Variants in ZMIZ1 observed in about 807,000 individuals in gnomAD.
ZMIZ1 encodes zinc finger MIZ domain-containing protein 1.
ZMIZ1 carries 17 observed loss-of-function variants against 113.9 expected under a neutral mutation model. That is an observed-to-expected ratio of 0.15 (90% CI 0.10 to 0.22). The LOEUF (loss-of-function observed/expected upper bound fraction) is 0.22, where lower values mean the gene tolerates loss of function less well. ZMIZ1 is among the 10% of genes least tolerant of loss of function. The pLI, the probability that ZMIZ1 is intolerant of heterozygous loss-of-function variation, is 1.00. For missense variants in ZMIZ1, 1,059 were observed against 1,477.8 expected, an observed-to-expected ratio of 0.72 and a Z score of 4.65; for synonymous variants, 607 against 603.1, an observed-to-expected ratio of 1.01 and a Z score of -0.09.
In ZMIZ1 at chr10:79,302,202, T is replaced by C; in HGVS notation, c.2115T>C (p.Cys705=). The change falls in exon 18 of 25, where the codon TGT becomes TGC. Residue 705 remains cysteine, a synonymous_variant. Coordinates refer to ENST00000334512, the MANE Select transcript of ZMIZ1 (RefSeq NM_020338.4). ...AGCGCCTCCTGCCCGCAGAGCACTG[T>C]ATCACGAAAAGTGAGTCAGGGTGGG... ...LKKRLLPAEH[C]ITKIKRNFSS... 6.2e-7 allele frequency: 1 copy of C among 1,613,520 alleles called. No homozygotes were observed. The highest frequency in any genetic ancestry group is 8.5e-7 in the Non-Finnish European group (1 of 1,180,004).
chr10:79,280,094 C>T, intron 8 of ZMIZ1, among the ~76,000 whole-genome samples: 1 of 151,626 alleles, frequency 6.6e-6, no homozygotes, highest in South Asian at 2.1e-4. Flanking sequence ...CTCAAGTGAT[C>T]CTCCCATCTC....
At chr10:79,298,649 C>A in intron 15 of ZMIZ1, 69 bp downstream of exon 15, 1 of 1,410,552 alleles carries the variant, frequency 7.1e-7, no homozygotes, top group Non-Finnish European at 9.7e-7. Context: ...GCAGGGGCTT[C>A]GCAGTCAGGC....
chr10:79,310,275 C>T (rs1385330452), intron 23 of ZMIZ1, among the ~76,000 whole-genome samples: 1 of 152,166 alleles, frequency 6.6e-6, no homozygotes, highest in Non-Finnish European at 1.5e-5. Flanking sequence ...GAAGATGCCC[C>T]TGGCTGGCCA....
intron 13 of ZMIZ1, among the ~76,000 whole-genome samples, chr10:79,297,128 A>C (rs1171487145): frequency 6.6e-6 from 1 of 152,104 alleles, no homozygotes; most frequent in Admixed American, 6.6e-5. Context: ...ATGGCTGCCT[A>C]ATATTCTGCT....
chr10:79,208,105 G>A (rs1035953660), intron 5 of ZMIZ1, among the ~76,000 whole-genome samples: 8 of 141,882 alleles, frequency 5.6e-5, no homozygotes, highest in African/African-American at 1.9e-4. Context: ...GAGTGGAGGT[G>A]GATCGGGGAG....
intron 8 of ZMIZ1, among the ~76,000 whole-genome samples, chr10:79,283,816 A>G (rs1108617): frequency 0.48 from 72,651 of 151,954 alleles, 17,802 homozygotes; most frequent in East Asian, 0.66. Context: ...GCAGGGAGGG[A>G]AGGAAGTAGG....
chr10:79,089,586 CTGGG>C (rs1397204913), intron 1 of ZMIZ1, among the ~76,000 whole-genome samples: 1 of 152,176 alleles, frequency 6.6e-6, no homozygotes, highest in Admixed American at 6.5e-5. Context: ...ATTAGGGGTT[CTGGG>C]TGCAGGGAGC....
intron 23 of ZMIZ1, 152 bp downstream of exon 23, chr10:79,307,723 C>T (rs1972346): frequency 8.2e-6 from 7 of 852,204 alleles, no homozygotes; most frequent in South Asian, 3.7e-5. Context: ...ACTGAGGCTA[C>T]GTCGTGCCCT....
At chr10:79,297,043 C>T (rs1853947016) in intron 13 of ZMIZ1, 1 of 179,978 alleles carries the variant, frequency 5.6e-6, no homozygotes, top group Admixed American at 6.0e-5. Flanking sequence ...AACTTTGAAT[C>T]TGTACCTTTT....
intron 1 of ZMIZ1, among the ~76,000 whole-genome samples, chr10:79,104,136 C>A (rs565412819): frequency 3.2e-4 from 49 of 152,298 alleles, no homozygotes; most frequent in African/African-American, 9.9e-4. Context: ...ATGTAGTGAC[C>A]CCTCCCCTCT....
At chr10:79,216,446 G>A (rs1429748305) in intron 7 of ZMIZ1, 172 bp downstream of exon 7, 1 of 542,468 alleles carries the variant, frequency 1.8e-6, no homozygotes, top group Admixed American at 3.9e-5. Context: ...CACAGTTGGG[G>A]CTGTCCTCGT....
intron 7 of ZMIZ1, among the ~76,000 whole-genome samples, chr10:79,220,681 A>C (rs1321709155): frequency 6.6e-6 from 1 of 151,942 alleles, no homozygotes; most frequent in Non-Finnish European, 1.5e-5. Context: ...GCCCCTGTCC[A>C]TCTCTAGCTT....
intron 16 of ZMIZ1, among the ~76,000 whole-genome samples, chr10:79,300,042 G>A (rs1186331454): frequency 6.6e-6 from 1 of 152,182 alleles, no homozygotes; most frequent in African/African-American, 2.4e-5. Flanking sequence ...TGACCATGCT[G>A]AGCAGGCTGG....
rs1272534543 is a variant in ZMIZ1 at position 79,314,572 on chromosome 10, T to C, written c.*1823T>C. On this transcript the variant is annotated 3_prime_UTR_variant, in exon 25 of 25. Coordinates refer to ENST00000334512, the MANE Select transcript of ZMIZ1 (RefSeq NM_020338.4). ...AGAATCGCTTTTGTAAATATCTTTG[T>C]GAATATTTTAGTATCGTCTTTGATA... 3.8e-6 allele frequency: 1 copy of C among 260,278 alleles called. No individual in the cohort carries two copies. The highest frequency in any genetic ancestry group is 7.6e-6 in the Non-Finnish European group (1 of 131,074). 16.1% of individuals were successfully genotyped at this position (260,278 alleles called of 1,614,324 possible). A position where few individuals can be genotyped will look rare whatever the true frequency, so the allele number is the denominator to read the frequency against.
rs1247917683 is a variant in ZMIZ1 at position 79,306,881 on chromosome 10, T to C, written c.2669-524T>C. Among the ~76,000 whole-genome samples the C allele has an allele frequency of 4.6e-5, 7 of 152,226 alleles. No homozygotes were observed. In the East Asian group the frequency reaches 1.3e-3, roughly 29 times the overall value. On this transcript the variant is annotated intron_variant, in intron 22 of 24. Transcript: ENST00000334512. ...AGGCCACCTAGCCGAACTCCCACAG[T>C]GTGCCAAGGGCCAAGCCTCCCAGTC...
chr10:79,300,775 C>T lies in ZMIZ1; in HGVS notation c.1852C>T (p.Arg618Trp), dbSNP rs1330300644. Residue 618 changes from arginine to tryptophan, a missense_variant, in exon 17 of 25, where the codon CGG becomes TGG. Around this residue, in one of 6 missense-constraint regions of ZMIZ1, gnomAD observed 217 missense variants for 426.9 expected, o/e 0.51. Transcript: ENST00000334512. Reference sequence around the variant, plus strand: ...GTTCAAGTGCTACCACCACGAGGACCGGCAGATGAACACCAACTGGCCCGC... The same window carrying T: ...GTTCAAGTGCTACCACCACGAGGACTGGCAGATGAACACCAACTGGCCCGC... ...LQFKCYHHED[R>W]QMNTNWPASV... is the part of the protein sequence containing the mutation. 3.7e-6 allele frequency: 6 copies of T among 1,613,852 alleles called. No individual in the cohort carries two copies. Among genetic ancestry groups the T allele is most frequent in the Non-Finnish European group, 4.2e-6 (5 of 1,180,012 alleles).
intron 7 of ZMIZ1, among the ~76,000 whole-genome samples, chr10:79,239,719 C>A (rs1486872736): frequency 6.6e-6 from 1 of 152,154 alleles, no homozygotes; most frequent in East Asian, 1.9e-4. Context: ...CAGGAGGTGA[C>A]CCAGCCCAGA....
chr10:79,165,964 G>GCAGCTCAGC (rs1554860929), intron 4 of ZMIZ1, among the ~76,000 whole-genome samples: 2 of 142,096 alleles, frequency 1.4e-5, no homozygotes, highest in African/African-American at 5.5e-5. Flanking sequence ...GTGTGTGTGT[G>GCAGCTCAGC]TGTGTGTGTG....
At chr10:79,086,654 A>C (rs1213397266) in intron 1 of ZMIZ1, among the ~76,000 whole-genome samples, 1 of 152,196 alleles carries the variant, frequency 6.6e-6, no homozygotes, top group Non-Finnish European at 1.5e-5. Context: ...GACTACCGGC[A>C]CGAGCCATCA....
Sources: allele counts gnomAD v4.1 joint callset (sites outside exome capture counted in the v4.1 genomes callset), GRCh38; gene constraint gnomAD v4.1.1; regional missense constraint gnomAD v4.1.1; transcripts MANE v1.5; gene names NCBI Gene and HGNC (gene_info 2026-07-23, HGNC 2026-07-21).